Variants in CTNNA3 observed in about 807,000 individuals in gnomAD.
The protein encoded by CTNNA3 is catenin alpha-3.
CTNNA3 carries 76 observed loss-of-function variants against 95.7 expected under a neutral mutation model. That is an observed-to-expected ratio of 0.79 (90% CI 0.66 to 0.96). CTNNA3 has a LOEUF of 0.96. Ranked by LOEUF, CTNNA3 falls within the 40% of genes least tolerant of loss-of-function variation. The pLI, the probability that CTNNA3 is intolerant of heterozygous loss-of-function variation, is 0.00. For missense variants in CTNNA3, 1,191 were observed against 1,089.8 expected, an observed-to-expected ratio of 1.09 and a Z score of -1.31; for synonymous variants, 431 against 374.4, an observed-to-expected ratio of 1.15 and a Z score of -1.74.
intron 6 of CTNNA3, among the ~76,000 whole-genome samples, chr10:67,217,973 T>C (rs1864461839): frequency 6.6e-6 from 1 of 151,788 alleles, no homozygotes; most frequent in Non-Finnish European, 1.5e-5. Context: ...ATGCACAAAA[T>C]TTTTAAAATG....
intron 12 of CTNNA3, among the ~76,000 whole-genome samples, chr10:66,360,909 C>T (rs10997085): frequency 7.5e-6 from 1 of 132,746 alleles, no homozygotes; most frequent in African/African-American, 3.0e-5. Context: ...TTCTCTCTCT[C>T]TCTCTCTTTC....
intron 6 of CTNNA3, among the ~76,000 whole-genome samples, chr10:67,200,296 C>T (rs987697946): frequency 6.6e-6 from 1 of 151,926 alleles, no homozygotes; most frequent in South Asian, 2.1e-4. Context: ...TCAAAATATG[C>T]TCAGGAATGC....
At chr10:67,093,359 G>A (rs898327455) in intron 7 of CTNNA3, among the ~76,000 whole-genome samples, 2 of 151,866 alleles carry the variant, frequency 1.3e-5, no homozygotes, top group African/African-American at 4.8e-5. Flanking sequence ...AAAATGGGAC[G>A]ATAAGCATAA....
intron 13 of CTNNA3, among the ~76,000 whole-genome samples, chr10:66,255,949 A>T (rs1298456036): frequency 6.6e-6 from 1 of 152,166 alleles, no homozygotes; most frequent in African/African-American, 2.4e-5. Flanking sequence ...GCGAAGAAAA[A>T]TCTTGCCTTT....
At chr10:67,033,390 T>C (rs572938225) in intron 7 of CTNNA3, among the ~76,000 whole-genome samples, 1 of 152,284 alleles carries the variant, frequency 6.6e-6, no homozygotes, top group South Asian at 2.1e-4. Context: ...TTCTCTCCCA[T>C]CAATTTTTGA....
At chr10:66,723,096 C>A (rs1848679126) in intron 9 of CTNNA3, among the ~76,000 whole-genome samples, 1 of 152,048 alleles carries the variant, frequency 6.6e-6, no homozygotes, top group Non-Finnish European at 1.5e-5. Context: ...TTACCCTGCT[C>A]CTGCCTAGCA....
chr10:67,497,631 G>A (rs1839069757), intron 5 of CTNNA3, among the ~76,000 whole-genome samples: 1 of 152,114 alleles, frequency 6.6e-6, no homozygotes, highest in Non-Finnish European at 1.5e-5. Context: ...CATTCTAACT[G>A]GCGTGAGATG....
intron 13 of CTNNA3, among the ~76,000 whole-genome samples, chr10:66,154,254 T>G (rs1021107380): frequency 1.3e-5 from 2 of 151,834 alleles, no homozygotes; most frequent in African/African-American, 4.8e-5. Flanking sequence ...TCTTTGGACT[T>G]ATATTTTAAA....
intron 9 of CTNNA3, among the ~76,000 whole-genome samples, chr10:66,673,999 A>G (rs1030637424): frequency 7.0e-6 from 1 of 141,942 alleles, no homozygotes. Flanking sequence ...CATTATCACT[A>G]TACTAACTCA....
chr10:66,253,210 C>T (rs547826051), intron 13 of CTNNA3, among the ~76,000 whole-genome samples: 16 of 152,294 alleles, frequency 1.1e-4, no homozygotes, highest in African/African-American at 3.8e-4. Flanking sequence ...ATCATCATAG[C>T]TGGTGGAACA....
chr10:67,034,782 A>G (rs913040712), intron 7 of CTNNA3, among the ~76,000 whole-genome samples: 5 of 152,336 alleles, frequency 3.3e-5, no homozygotes, highest in Middle Eastern at 3.4e-3. Context: ...AATACTGTTT[A>G]CAATTTGACC....
At chr10:66,157,499 AT>A (rs2084594575) in intron 13 of CTNNA3, among the ~76,000 whole-genome samples, 1 of 22,720 alleles carries the variant, frequency 4.4e-5, no homozygotes, top group Non-Finnish European at 1.1e-4. Context: ...ATGTAGATAG[AT>A]AGATAGATAG....
intron 1 of CTNNA3, among the ~76,000 whole-genome samples, chr10:67,702,122 A>G (rs1298319111): frequency 1.3e-5 from 2 of 152,216 alleles, no homozygotes; most frequent in African/African-American, 4.8e-5. Flanking sequence ...CCAGATTCAT[A>G]AAGCAAGTCC....
intron 12 of CTNNA3, among the ~76,000 whole-genome samples, chr10:66,347,747 T>C (rs1265805298): frequency 1.3e-5 from 2 of 152,068 alleles, no homozygotes; most frequent in Non-Finnish European, 2.9e-5. Context: ...ATTGGAAAAG[T>C]TATCTGCAGA....
At chr10:66,291,916 C>A (rs1048711770) in intron 12 of CTNNA3, among the ~76,000 whole-genome samples, 1 of 150,318 alleles carries the variant, frequency 6.7e-6, no homozygotes, top group Non-Finnish European at 1.5e-5. Flanking sequence ...CTTTTGTGTA[C>A]ATATATGTAT....
chr10:66,739,007 T>C (rs1849240134), intron 9 of CTNNA3, among the ~76,000 whole-genome samples: 2 of 152,126 alleles, frequency 1.3e-5, no homozygotes, highest in African/African-American at 4.8e-5. Context: ...GTGAGGGGGA[T>C]GTGGAGGAGG....
At chr10:67,097,993 A>G in intron 7 of CTNNA3, 3 of 581,202 alleles carry the variant, frequency 5.2e-6, no homozygotes, top group Non-Finnish European at 3.1e-6. Flanking sequence ...TAATTAGCTA[A>G]GTTGTGCAGT....
intron 13 of CTNNA3, among the ~76,000 whole-genome samples, chr10:66,195,938 A>G (rs2086935888): frequency 6.6e-6 from 1 of 152,168 alleles, no homozygotes; most frequent in Non-Finnish European, 1.5e-5. Context: ...AAAAATATCG[A>G]TCTATAATTG....
chr10:66,323,856 C>T (rs1217063117), intron 12 of CTNNA3, among the ~76,000 whole-genome samples: 1 of 151,846 alleles, frequency 6.6e-6, no homozygotes, highest in Non-Finnish European at 1.5e-5. Flanking sequence ...AGCAGATGAA[C>T]AGCAGAATGA....
Sources: allele counts gnomAD v4.1 joint callset (sites outside exome capture counted in the v4.1 genomes callset), GRCh38; gene constraint gnomAD v4.1.1; transcripts MANE v1.5; gene names NCBI Gene and HGNC (gene_info 2026-07-23, HGNC 2026-07-21).